The following RIMS2 variants were observed in gnomAD, a reference collection of about 807,000 sequenced individuals.
The protein encoded by RIMS2 is regulating synaptic membrane exocytosis protein 2.
In RIMS2, 59 loss-of-function variants were observed where a neutral mutation model predicts 174.4. The observed-to-expected ratio is 0.34, with a 90% CI of 0.27 to 0.42. RIMS2 has a LOEUF of 0.42. RIMS2 is among the 10% of genes least tolerant of loss of function. The probability of loss-of-function intolerance (pLI) is 1.00; values close to 1 mark genes in which losing one functional copy is unlikely to be tolerated. For missense variants in RIMS2, 1,620 were observed against 1,666.3 expected, an observed-to-expected ratio of 0.97 and a Z score of 0.48; for synonymous variants, 606 against 572.5, an observed-to-expected ratio of 1.06 and a Z score of -0.84.
chr8:103,783,670 T>C (rs2098414093), intron 3 of RIMS2, among the ~76,000 whole-genome samples: 2 of 152,088 alleles, frequency 1.3e-5, no homozygotes, highest in Non-Finnish European at 2.9e-5. Context: ...TCTATCATTG[T>C]GGGACATTTG....
intron 19 of RIMS2, among the ~76,000 whole-genome samples, chr8:104,242,584 A>C (rs758515761): frequency 2.4e-4 from 37 of 152,184 alleles, no homozygotes; most frequent in Non-Finnish European, 4.6e-4. Context: ...TCATGATATT[A>C]ACTTCTTTTA....
At position 104,079,598 on chromosome 8, in the gene RIMS2, GATATATATATATATATAT is replaced by G. The variant is rs5893676; in HGVS notation, c.3334+65010_3334+65027del. On this transcript the variant is annotated intron_variant, in intron 19 of 23. Transcript: ENST00000504942. ...TCACATAACTGAAAGGATTAAGCATGATATATATATATATATATATATATATATATATATATATATATA... is the reference window on the plus strand; with the variant it reads ...TCACATAACTGAAAGGATTAAGCATGATATATATATATATATATATATATA... Among the ~76,000 whole-genome samples the G allele has an allele frequency of 4.1e-3, 210 of 50,998 alleles. 5 individuals carry two copies. Among genetic ancestry groups the G allele is most frequent in the Non-Finnish European group, 5.4e-3 (131 of 24,236 alleles). 33.5% of individuals were successfully genotyped at this position (50,998 alleles called of 152,430 possible). A position where few individuals can be genotyped will look rare whatever the true frequency, so the allele number is the denominator to read the frequency against.
chr8:103,754,863 T>G (rs2097958699), intron 2 of RIMS2, among the ~76,000 whole-genome samples: 1 of 152,200 alleles, frequency 6.6e-6, no homozygotes, highest in Non-Finnish European at 1.5e-5. Context: ...AGCACACTGA[T>G]GGGTCTTGAC....
chr8:104,031,372 A>C (rs960903403), intron 19 of RIMS2, among the ~76,000 whole-genome samples: 3 of 152,072 alleles, frequency 2.0e-5, no homozygotes, highest in African/African-American at 7.2e-5. Flanking sequence ...TAAACTAAGA[A>C]AAGACCTTGT....
chr8:103,900,339 T>A (rs1451506051), intron 4 of RIMS2, among the ~76,000 whole-genome samples: 1 of 151,672 alleles, frequency 6.6e-6, no homozygotes, highest in Admixed American at 6.6e-5. Flanking sequence ...TTCTCCTGCC[T>A]CAGCCTCCTG....
chr8:104,123,737 A>G (rs2098404717), intron 19 of RIMS2, among the ~76,000 whole-genome samples: 1 of 152,128 alleles, frequency 6.6e-6, no homozygotes, highest in African/African-American at 2.4e-5. Context: ...ATTATTTTCA[A>G]AGCTCAAAAT....
At chr8:103,671,826 A>G (rs571317316) in intron 1 of RIMS2, among the ~76,000 whole-genome samples, 1 of 152,328 alleles carries the variant, frequency 6.6e-6, no homozygotes, top group South Asian at 2.1e-4. Flanking sequence ...TATATTAATA[A>G]CGTATTCATG....
intron 19 of RIMS2, among the ~76,000 whole-genome samples, chr8:104,135,465 G>C (rs904400380): frequency 1.3e-5 from 2 of 151,912 alleles, no homozygotes; most frequent in African/African-American, 2.4e-5. Flanking sequence ...AATTAGTCAG[G>C]TGTGGTGGTG....
chr8:103,716,993 C>T (rs1461453375), intron 2 of RIMS2, among the ~76,000 whole-genome samples: 2 of 152,032 alleles, frequency 1.3e-5, no homozygotes, highest in Admixed American at 6.6e-5. Flanking sequence ...TGATGACTCC[C>T]TGCAAATATA....
intron 1 of RIMS2, among the ~76,000 whole-genome samples, chr8:103,533,267 C>T (rs1428831831): frequency 6.6e-6 from 1 of 152,100 alleles, no homozygotes; most frequent in Non-Finnish European, 1.5e-5. Context: ...TTGGTGGGAA[C>T]AGTTTCTCAA....
intron 19 of RIMS2, among the ~76,000 whole-genome samples, chr8:104,164,884 T>A (rs2098787439): frequency 6.6e-6 from 1 of 152,114 alleles, no homozygotes; most frequent in African/African-American, 2.4e-5. Flanking sequence ...TGAAATAATC[T>A]GTACAACCAA....
At chr8:104,251,514 A>C in intron 23 of RIMS2, 88 bp from the exon 30 acceptor site, 1 of 759,026 alleles carries the variant, frequency 1.3e-6, no homozygotes, top group Non-Finnish European at 2.3e-6. Flanking sequence ...AAATTAACTG[A>C]ATGTACTTTA....
intron 17 of RIMS2, among the ~76,000 whole-genome samples, chr8:104,006,340 C>T (rs188352111): frequency 3.9e-5 from 6 of 152,074 alleles, no homozygotes; most frequent in South Asian, 4.1e-4. Context: ...ACCTTGAGGT[C>T]GGGAGTTTGA....
intron 19 of RIMS2, among the ~76,000 whole-genome samples, chr8:104,100,926 TG>T: frequency 8.0e-6 from 1 of 125,288 alleles, no homozygotes; most frequent in East Asian, 2.3e-4. Flanking sequence ...ATATTATATA[TG>T]TGATATATTA....
At chr8:104,062,143 C>T (rs12543414) in intron 19 of RIMS2, among the ~76,000 whole-genome samples, 12 of 152,084 alleles carry the variant, frequency 7.9e-5, no homozygotes, top group Admixed American at 3.3e-4. Flanking sequence ...CAGTGGCTCT[C>T]GCCTGTAATC....
intron 14 of RIMS2, among the ~76,000 whole-genome samples, chr8:103,944,472 C>T (rs1009290102): frequency 2.6e-5 from 4 of 151,884 alleles, no homozygotes; most frequent in Non-Finnish European, 4.4e-5. Flanking sequence ...TCTTTTCATT[C>T]GGGACTGGCC....
In RIMS2 at chr8:103,955,267, C is replaced by T. The variant is rs774953218; in HGVS notation, c.2702-5798C>T. 8.6e-5 allele frequency among the ~76,000 whole-genome samples: 13 copies of T among 151,988 alleles called. 1 individual carries two copies. Among genetic ancestry groups the T allele is most frequent in the Middle Eastern group, 3.2e-3 (1 of 316 alleles). ...TCATTTTATGGGGCCAGCATCATCC[C>T]GATAACAAAACCTGGCAGAGACACA... On this transcript the variant is annotated intron_variant, in intron 14 of 23. Transcript: ENST00000504942.
chr8:103,788,585 G>T (rs2098466084), intron 3 of RIMS2, among the ~76,000 whole-genome samples: 1 of 151,846 alleles, frequency 6.6e-6, no homozygotes, highest in East Asian at 1.9e-4. Context: ...GGCTGCTCGG[G>T]GGTCAGGGGT....
intron 1 of RIMS2, among the ~76,000 whole-genome samples, chr8:103,612,318 T>C (rs1047904643): frequency 6.6e-6 from 1 of 152,190 alleles, no homozygotes; most frequent in African/African-American, 2.4e-5. Flanking sequence ...GGTGAGGTTA[T>C]GTTTTTCTGG....
Sources: allele counts gnomAD v4.1 joint callset (sites outside exome capture counted in the v4.1 genomes callset), GRCh38; gene constraint gnomAD v4.1.1; transcripts MANE v1.5; gene names NCBI Gene and HGNC (gene_info 2026-07-23, HGNC 2026-07-21).